OPCML: variants seen among roughly 807,000 people sequenced by gnomAD.
OPCML encodes opioid binding protein/cell adhesion molecule like.
Under a neutral mutation model 37.8 loss-of-function variants are expected in OPCML, and 13 were observed. That is an observed-to-expected ratio of 0.34 (90% CI 0.22 to 0.55). OPCML has a LOEUF of 0.55. OPCML is among the 20% of genes least tolerant of loss of function. The pLI, the probability that OPCML is intolerant of heterozygous loss-of-function variation, is 0.91. For synonymous variants in OPCML, 176 were observed against 168.8 expected (o/e 1.04, Z -0.33); for missense variants, 341 against 435.6 (o/e 0.78, Z 1.93).
chr11:133,111,183 G>C (rs1949248314), intron 1 of OPCML, among the ~76,000 whole-genome samples: 1 of 106,752 alleles, frequency 9.4e-6, no homozygotes. Context: ...CTGTGTGAAT[G>C]AGAAAAAAAT....
At chr11:133,170,279 A>G (rs1233922595) in intron 1 of OPCML, among the ~76,000 whole-genome samples, 1 of 152,224 alleles carries the variant, frequency 6.6e-6, no homozygotes, top group Non-Finnish European at 1.5e-5. Flanking sequence ...GATGGAGACC[A>G]TCCTGGCTAA....
intron 1 of OPCML, among the ~76,000 whole-genome samples, chr11:133,046,668 TA>T (rs1261464239): frequency 9.8e-5 from 15 of 152,306 alleles, no homozygotes; most frequent in African/African-American, 3.4e-4. Context: ...AGTACAGGAT[TA>T]GGGGTGCCCA....
intron 1 of OPCML, among the ~76,000 whole-genome samples, chr11:133,325,882 A>G (rs1167396224): frequency 2.0e-5 from 3 of 152,130 alleles, no homozygotes; most frequent in Non-Finnish European, 4.4e-5. Flanking sequence ...ACTCCACCTC[A>G]AGCATTTTGT....
intron 1 of OPCML, among the ~76,000 whole-genome samples, chr11:133,221,195 C>T (rs1362215599): frequency 2.6e-5 from 4 of 152,252 alleles, no homozygotes; most frequent in Admixed American, 1.3e-4. Flanking sequence ...GGGACAGAGC[C>T]GGCCACCGTG....
At chr11:132,478,962 T>A (rs1028801958) in intron 4 of OPCML, among the ~76,000 whole-genome samples, 5 of 152,052 alleles carry the variant, frequency 3.3e-5, no homozygotes, top group African/African-American at 1.2e-4. Flanking sequence ...GTTCAGGCAT[T>A]TTTTTTTCAC....
chr11:132,782,917 GTATATATATATATATATA>G (rs59984496), intron 2 of OPCML, among the ~76,000 whole-genome samples: 1 of 125,088 alleles, frequency 8.0e-6, no homozygotes, highest in African/African-American at 2.9e-5. Flanking sequence ...TATAGTGTGT[GTATATATATATATATATA>G]TATATATATA....
chr11:133,424,163 C>T (rs1945952964), intron 1 of OPCML, among the ~76,000 whole-genome samples: 1 of 152,146 alleles, frequency 6.6e-6, no homozygotes, highest in African/African-American at 2.4e-5. Flanking sequence ...AGAGATGATT[C>T]ATTGTTCAAA....
At chr11:133,165,391 A>G (rs939790889) in intron 1 of OPCML, among the ~76,000 whole-genome samples, 1 of 152,120 alleles carries the variant, frequency 6.6e-6, no homozygotes, top group Non-Finnish European at 1.5e-5. Context: ...CCTTGGCTGC[A>G]GCAGGAGCCT....
intron 1 of OPCML, among the ~76,000 whole-genome samples, chr11:133,482,789 A>C (rs1225293446): frequency 6.6e-6 from 1 of 152,214 alleles, no homozygotes; most frequent in African/African-American, 2.4e-5. Flanking sequence ...ATAGATTAAA[A>C]ATTAAAATGA....
At chr11:133,374,396 C>A (rs1189137498) in intron 1 of OPCML, among the ~76,000 whole-genome samples, 1 of 152,162 alleles carries the variant, frequency 6.6e-6, no homozygotes, top group Non-Finnish European at 1.5e-5. Flanking sequence ...TAATGGATAT[C>A]TTCACTATAT....
At chr11:132,523,281 AG>A (rs2096298862) in intron 4 of OPCML, among the ~76,000 whole-genome samples, 1 of 152,224 alleles carries the variant, frequency 6.6e-6, no homozygotes, top group Non-Finnish European at 1.5e-5. Context: ...TGATAACCAT[AG>A]GTGGTGATTT....
At chr11:132,968,931 G>A (rs1253159029) in intron 1 of OPCML, among the ~76,000 whole-genome samples, 1 of 151,992 alleles carries the variant, frequency 6.6e-6, no homozygotes, top group Non-Finnish European at 1.5e-5. Flanking sequence ...GGACATCCTT[G>A]CCTTGTTTCT....
chr11:132,703,686 G>C (rs945200773), intron 2 of OPCML, among the ~76,000 whole-genome samples: 2 of 152,162 alleles, frequency 1.3e-5, no homozygotes, highest in Admixed American at 1.3e-4. Context: ...AGACTGACCT[G>C]GCACCTGGTC....
intron 1 of OPCML, among the ~76,000 whole-genome samples, chr11:133,060,237 C>G (rs576579133): frequency 6.6e-6 from 1 of 151,824 alleles, no homozygotes; most frequent in Non-Finnish European, 1.5e-5. Flanking sequence ...TCCCCATCCC[C>G]TCAGGATTCA....
chr11:132,444,780 A>G (rs2096049090), intron 4 of OPCML, among the ~76,000 whole-genome samples: 1 of 152,102 alleles, frequency 6.6e-6, no homozygotes, highest in South Asian at 2.1e-4. Context: ...CCTACTGGCA[A>G]CAAGCAACTC....
intron 2 of OPCML, among the ~76,000 whole-genome samples, chr11:132,858,084 C>T (rs1942135293): frequency 6.6e-6 from 1 of 152,164 alleles, no homozygotes; most frequent in South Asian, 2.1e-4. Context: ...CACATACATG[C>T]ACACATGTAA....
At chr11:132,686,814 C>T (rs767620934) in intron 2 of OPCML, among the ~76,000 whole-genome samples, 2 of 152,134 alleles carry the variant, frequency 1.3e-5, no homozygotes, top group African/African-American at 4.8e-5. Flanking sequence ...ACCCACAGAT[C>T]CCCCAGGAGT....
chr11:132,784,171 T>C (rs953140701), intron 2 of OPCML, among the ~76,000 whole-genome samples: 9 of 152,154 alleles, frequency 5.9e-5, no homozygotes, highest in African/African-American at 2.2e-4. Context: ...CAGGGTGCTA[T>C]AATTCAAACT....
At chr11:132,590,382 C>A (rs1468246466) in intron 3 of OPCML, among the ~76,000 whole-genome samples, 1 of 152,076 alleles carries the variant, frequency 6.6e-6, no homozygotes, top group Non-Finnish European at 1.5e-5. Flanking sequence ...GTGTGTAGTA[C>A]AGTGTTCATT....
Sources: gnomAD v4.1 joint callset for allele counts (sites outside exome capture counted in the v4.1 genomes callset) on GRCh38, gnomAD v4.1.1 for gene constraint, MANE v1.5 for transcripts, NCBI Gene and HGNC (gene_info 2026-07-23, HGNC 2026-07-21) for gene names.